Variants in COL6A6 observed in about 807,000 individuals in gnomAD.
COL6A6 encodes collagen type VI alpha 6 chain, also known as collagen alpha-6(VI) chain.
A neutral mutation model predicts 208.6 loss-of-function variants in COL6A6; 183 were observed. The observed-to-expected ratio is 0.88, with a 90% CI of 0.78 to 0.99. The LOEUF is 0.99. Ranked by LOEUF, COL6A6 falls within the 50% of genes least tolerant of loss-of-function variation. The probability of loss-of-function intolerance (pLI) is 0.00; values close to 1 mark genes in which losing one functional copy is unlikely to be tolerated. For synonymous variants in COL6A6, 973 were observed against 1,011.8 expected (o/e 0.96, Z 0.73); for missense variants, 2,816 against 2,815.2 (o/e 1.00, Z -0.01).
intron 11 of COL6A6, among the ~76,000 whole-genome samples, chr3:130,588,354 A>C (rs1400791295): frequency 6.6e-6 from 1 of 152,272 alleles, no homozygotes; most frequent in East Asian, 1.9e-4. Context: ...GAATTTTTCT[A>C]AAAGTAAATC....
chr3:130,633,828 C>T (rs1230706096), intron 26 of COL6A6, among the ~76,000 whole-genome samples: 1 of 26,234 alleles, frequency 3.8e-5, no homozygotes, highest in Non-Finnish European at 5.4e-5. Flanking sequence ...CGCATATTCT[C>T]ACTCATAGGT....
chr3:130,658,592 C>T, intron 33 of COL6A6, 84 bp from the exon 34 acceptor site: 10 of 852,980 alleles, frequency 1.2e-5, no homozygotes, highest in Admixed American at 2.0e-5. Flanking sequence ...GTTACTCTCT[C>T]CAGATGTCAG....
chr3:130,525,792 G>T (rs553992761), intron 1 of COL6A6, among the ~76,000 whole-genome samples: 1 of 151,898 alleles, frequency 6.6e-6, no homozygotes, highest in Non-Finnish European at 1.5e-5. Context: ...TTCTTGCCAC[G>T]AGAACTTTGC....
rs1300045855 is a variant in COL6A6 at position 130,517,261 on chromosome 3, G to A, written c.-168G>A. The stretch of plus-strand genomic sequence containing the variant: ...GTTCCACGGTTCCGAGGTCTCCACC[G>A]TCTCCCCGCGCGCCGCAGGCGGCAC... On this transcript the variant is annotated 5_prime_UTR_variant, in exon 1 of 37. Transcript: ENST00000358511. Among the ~76,000 whole-genome samples the A allele has an allele frequency of 6.6e-6, 1 of 152,206 alleles. No individual in the cohort carries two copies. Among genetic ancestry groups the A allele is most frequent in the African/African-American group, 2.4e-5 (1 of 41,464 alleles).
At position 130,570,978 on chromosome 3, in the gene COL6A6, T is replaced by C. The variant is rs1213858619; in HGVS notation, c.2562T>C (p.Ala854=). The change falls in exon 7 of 37, where the codon GCT becomes GCC. Residue 854 remains alanine (A), a synonymous_variant. Coordinates refer to ENST00000358511, the MANE Select transcript of COL6A6 (RefSeq NM_001102608.3). The part of the protein sequence containing the change: ...NQVRFGALKY[A]DDPEVLFYLD... ...TCCGGTTTGGGGCTCTGAAGTATGC[T>C]GATGACCCAGAGGTGCTGTTTTATC... The C allele has an allele frequency of 5.0e-6, 8 of 1,614,016 alleles. No individual in the cohort carries two copies. The highest frequency in any genetic ancestry group is 6.8e-6 in the Non-Finnish European group (8 of 1,179,884).
intron 26 of COL6A6, among the ~76,000 whole-genome samples, chr3:130,627,606 A>T (rs1205258378): frequency 6.6e-6 from 1 of 152,192 alleles, no homozygotes; most frequent in Non-Finnish European, 1.5e-5. Context: ...TTCTGCAGTG[A>T]TATGCGGCCC....
chr3:130,606,839 G>A, intron 20 of COL6A6, 92 bp from the exon 21 acceptor site: 3 of 936,430 alleles, frequency 3.2e-6, no homozygotes, highest in Non-Finnish European at 4.9e-6. Flanking sequence ...TGTTATGTAT[G>A]TTGGTGCCTT....
chr3:130,536,055 G>A (rs549817359), intron 1 of COL6A6, among the ~76,000 whole-genome samples: 5 of 152,282 alleles, frequency 3.3e-5, no homozygotes, highest in Non-Finnish European at 5.9e-5. Context: ...CATTTCTCCA[G>A]GCCAGTGAGC....
chr3:130,591,342 A>G lies in COL6A6; in HGVS notation c.4272+248A>G, dbSNP rs554340736. Among the ~76,000 whole-genome samples, 3 of 152,304 alleles carry G rather than the reference A, an allele frequency of 2.0e-5. No individual in the cohort carries two copies. In the East Asian group the frequency reaches 5.8e-4, roughly 29 times the overall value. ...ATTCAATGCGGAAGTAACCTCCTTC[A>G]CTAGGGGAGTTGAATCACTGCTGTT... On this transcript the variant is annotated intron_variant, in intron 13 of 36. Transcript: ENST00000358511.
intron 1 of COL6A6, among the ~76,000 whole-genome samples, chr3:130,531,803 T>C (rs1042957490): frequency 6.6e-6 from 1 of 152,228 alleles, no homozygotes; most frequent in African/African-American, 2.4e-5. Flanking sequence ...TCGTTCTTGC[T>C]GAATTTCAGT....
At chr3:130,583,529 A>G (rs151241613) in intron 10 of COL6A6, among the ~76,000 whole-genome samples, 224 of 152,358 alleles carry the variant, frequency 1.5e-3, no homozygotes, top group African/African-American at 5.1e-3. Context: ...TCCAATGCCT[A>G]CTGAAAAACT....
chr3:130,573,878 A>T, intron 7 of COL6A6, 78 bp from the exon 8 acceptor site: 1 of 1,114,620 alleles, frequency 9.0e-7, no homozygotes, highest in Non-Finnish European at 1.3e-6. Flanking sequence ...CTATAGCTGC[A>T]AACATTGAAT....
intron 1 of COL6A6, among the ~76,000 whole-genome samples, chr3:130,531,056 A>ATTCTCT (rs1294781159): frequency 3.6e-5 from 1 of 28,004 alleles, no homozygotes; most frequent in African/African-American, 7.5e-5. Flanking sequence ...ACACACACAC[A>ATTCTCT]CACAGTCTCT....
At chr3:130,533,078 C>T (rs753363658) in intron 1 of COL6A6, among the ~76,000 whole-genome samples, 3 of 152,080 alleles carry the variant, frequency 2.0e-5, no homozygotes, top group Admixed American at 2.0e-4. Context: ...CTGCCACATT[C>T]TACTGATCAA....
chr3:130,618,612 C>T (rs372510927), intron 23 of COL6A6, among the ~76,000 whole-genome samples: 1 of 152,106 alleles, frequency 6.6e-6, no homozygotes, highest in Non-Finnish European at 1.5e-5. Flanking sequence ...CTTATCTAAC[C>T]AGCAGTGTTT....
intron 1 of COL6A6, among the ~76,000 whole-genome samples, chr3:130,556,824 C>A (rs2062777110): frequency 6.6e-6 from 1 of 152,188 alleles, no homozygotes; most frequent in Non-Finnish European, 1.5e-5. Flanking sequence ...AGGATCAGCG[C>A]TGAAGACATG....
Position 130,608,957 on chromosome 3 carries a change from G to A in COL6A6, c.4745G>A (p.Gly1582Asp). ...DGLEGSLGLK[G>D]PQGPRGEAGV... ...CTTGAAGGCTCCCTGGGACTTAAGG[G>A]CCCTCAGGTACATATCAAGACCAAT... The change falls in exon 22 of 37, where the codon GGC (glycine) becomes GAC (aspartate). Residue 1582 changes from glycine to aspartate, a missense_variant. Coordinates refer to ENST00000358511, the MANE Select transcript of COL6A6 (RefSeq NM_001102608.3). 1 of 1,612,160 alleles carries A rather than the reference G, an allele frequency of 6.2e-7. No individual in the cohort carries two copies. Among genetic ancestry groups the A allele is most frequent in the Admixed American group, 1.7e-5 (1 of 59,892 alleles).
chr3:130,658,570 A>G, intron 33 of COL6A6, 106 bp from the exon 34 acceptor site: 2 of 725,012 alleles, frequency 2.8e-6, no homozygotes, highest in Non-Finnish European at 2.4e-6. Context: ...GTACCTTCTT[A>G]GAAGGAGCAG....
At chr3:130,550,110 A>T (rs894437703) in intron 1 of COL6A6, among the ~76,000 whole-genome samples, 6 of 152,014 alleles carry the variant, frequency 3.9e-5, no homozygotes, top group African/African-American at 1.5e-4. Flanking sequence ...CTCATCTTGG[A>T]TGCTGTTAGT....
Sources: allele counts gnomAD v4.1 joint callset (sites outside exome capture counted in the v4.1 genomes callset), GRCh38; gene constraint gnomAD v4.1.1; transcripts MANE v1.5; gene names NCBI Gene and HGNC (gene_info 2026-07-23, HGNC 2026-07-21).